GTF3C1: variants seen among roughly 807,000 people sequenced by gnomAD.
GTF3C1 encodes the protein general transcription factor 3C polypeptide 1.
A neutral mutation model predicts 226.7 loss-of-function variants in GTF3C1; 57 were observed. The ratio of observed to expected loss-of-function variants is 0.25; its 90% CI spans 0.20 to 0.31. GTF3C1 has a LOEUF of 0.31. GTF3C1 is among the 10% of genes least tolerant of loss of function. The probability of loss-of-function intolerance (pLI) is 1.00; values close to 1 mark genes in which losing one functional copy is unlikely to be tolerated. For synonymous variants in GTF3C1, 1,090 were observed against 1,084.8 expected (o/e 1.00, Z -0.09); for missense variants, 2,217 against 2,776.1 (o/e 0.80, Z 4.53).
chr16:27,520,594 C>T (rs1391175248), intron 6 of GTF3C1, among the ~76,000 whole-genome samples: 2 of 152,188 alleles, frequency 1.3e-5, no homozygotes, highest in Non-Finnish European at 2.9e-5. Flanking sequence ...AGGGTACTGA[C>T]AATAGTACAT....
chr16:27,520,086 C>T (rs901228486), intron 6 of GTF3C1, among the ~76,000 whole-genome samples: 2 of 152,194 alleles, frequency 1.3e-5, no homozygotes, highest in African/African-American at 2.4e-5. Flanking sequence ...GCACTCTGGC[C>T]TGGGTGAGAC....
chr16:27,532,028 G>A (rs1039940568), intron 5 of GTF3C1, among the ~76,000 whole-genome samples: 2 of 152,214 alleles, frequency 1.3e-5, no homozygotes, highest in Non-Finnish European at 2.9e-5. Flanking sequence ...GGAAGCAGGT[G>A]GACTGCGGGG....
chr16:27,505,953 G>C lies in GTF3C1; in HGVS notation c.1716C>G (p.Asp572Glu), dbSNP rs762709844. The C allele has an allele frequency of 1.2e-6, 2 of 1,613,040 alleles. No individual in the cohort carries two copies. Among genetic ancestry groups the C allele is most frequent in the East Asian group, 2.2e-5 (1 of 44,878 alleles). ...PNVSFVSHCA[D>E]SNSGDIAVIE... ...TCACAGCTATGTCACCACTGTTGCT[G>C]TCCGCACAGTGGGAGACAAAGGACA... is the stretch of plus-strand genomic sequence containing the variant. The change falls in exon 10 of 37, where the codon GAC becomes GAG. Residue 572 changes from aspartate (D) to glutamate (E), a missense_variant. Physicochemically the swap from Asp to Glu is conservative, Grantham distance 45. Around this residue, in one of 12 missense-constraint regions of GTF3C1, gnomAD observed 173 missense variants for 207.2 expected, o/e 0.83. Coordinates refer to ENST00000356183, the MANE Select transcript of GTF3C1 (RefSeq NM_001520.4).
intron 26 of GTF3C1, among the ~76,000 whole-genome samples, chr16:27,481,398 T>C (rs1248408824): frequency 2.0e-5 from 3 of 152,078 alleles, no homozygotes; most frequent in Admixed American, 1.3e-4. Flanking sequence ...CCCTCACCAC[T>C]ACGCTCAGGA....
chr16:27,533,163 G>A (rs1262324811), intron 5 of GTF3C1, 128 bp downstream of exon 5: 4 of 548,288 alleles, frequency 7.3e-6, no homozygotes, highest in African/African-American at 1.9e-5. Context: ...GCAAACAAAG[G>A]AAAATCTCAT....
At chr16:27,467,378 C>T (rs1250398841) in intron 32 of GTF3C1, among the ~76,000 whole-genome samples, 1 of 152,190 alleles carries the variant, frequency 6.6e-6, no homozygotes, top group Non-Finnish European at 1.5e-5. Context: ...ATATTTTAAG[C>T]CCACTGTAGA....
intron 6 of GTF3C1, among the ~76,000 whole-genome samples, chr16:27,518,730 G>A (rs1473411792): frequency 2.6e-5 from 4 of 152,162 alleles, no homozygotes; most frequent in East Asian, 1.9e-4. Flanking sequence ...AGAGGCCGTC[G>A]GGCAGCATAG....
chr16:27,534,443 TCCCC>T (rs2088969378), intron 4 of GTF3C1, among the ~76,000 whole-genome samples: 2 of 152,048 alleles, frequency 1.3e-5, no homozygotes, highest in South Asian at 4.1e-4. Context: ...TACACCCACT[TCCCC>T]ATCTGTACTG....
At chr16:27,529,214 C>T (rs7201382) in intron 5 of GTF3C1, among the ~76,000 whole-genome samples, 12,651 of 152,034 alleles carry the variant, frequency 0.083, 547 homozygotes, top group Middle Eastern at 0.1. Context: ...GAGGCCGAGG[C>T]GGGCAGGTCA....
At chr16:27,509,689 C>T (rs1391520563) in intron 7 of GTF3C1, among the ~76,000 whole-genome samples, 2 of 139,588 alleles carry the variant, frequency 1.4e-5, no homozygotes, top group East Asian at 2.2e-4. Flanking sequence ...ACTTGGGAGG[C>T]GGAGCTTGCA....
intron 2 of GTF3C1, among the ~76,000 whole-genome samples, chr16:27,539,975 G>C (rs2089057930): frequency 6.6e-6 from 1 of 152,050 alleles, no homozygotes; most frequent in Non-Finnish European, 1.5e-5. Context: ...AGTCACCAAG[G>C]GTCCACATAC....
chr16:27,497,885 G>T, intron 13 of GTF3C1, 64 bp from the exon 14 acceptor site: 1 of 1,358,564 alleles, frequency 7.4e-7, no homozygotes, highest in Non-Finnish European at 1.0e-6. Flanking sequence ...AAAGGACAGA[G>T]TCTGTCTGCA....
At position 27,465,555 on chromosome 16, in the gene GTF3C1, AG is replaced by A; in HGVS notation, c.5075-16del. ...CAGAGGAGCGGCTGTGGGGACACAG[AG>A]GAAGATCAGAGGCAGCCCGACAGAG... is the stretch of plus-strand genomic sequence containing the variant. On this transcript the variant is annotated splice_polypyrimidine_tract_variant and intron_variant, in intron 32 of 36. Coordinates refer to ENST00000356183, the MANE Select transcript of GTF3C1 (RefSeq NM_001520.4). The A allele has an allele frequency of 3.1e-6, 5 of 1,588,944 alleles. No homozygotes were observed. The highest frequency in any genetic ancestry group is 4.3e-6 in the Non-Finnish European group (5 of 1,173,734).
rs1399313548 is a variant in GTF3C1, at chr16:27,495,557, TA to T, written c.2351-66del. ...CATACTGAATTCAGTTTTAATTCAT[TA>T]AAAAATGATTGAGTGCCACTATGTG... On this transcript the variant is annotated intron_variant, in intron 14 of 36. Transcript: ENST00000356183. 16 of 1,451,092 alleles carry T rather than the reference TA, an allele frequency of 1.1e-5. No individual in the cohort carries two copies. The African/African-American group carries it at 2.3e-4, about 20-fold the overall frequency. The allele number at this position is 1,451,092 out of a possible 1,614,324, so 89.9% of individuals were successfully genotyped here. A position where few individuals can be genotyped will look rare whatever the true frequency, so the allele number is the denominator to read the frequency against.
chr16:27,509,235 T>C (rs1296285456), intron 7 of GTF3C1, among the ~76,000 whole-genome samples: 2 of 152,182 alleles, frequency 1.3e-5, no homozygotes, highest in African/African-American at 2.4e-5. Context: ...TGGCCCCCGC[T>C]GTTGCTGTGT....
At chr16:27,510,202 G>A (rs561294511) in intron 7 of GTF3C1, among the ~76,000 whole-genome samples, 15 of 152,186 alleles carry the variant, frequency 9.9e-5, no homozygotes, top group Non-Finnish European at 1.6e-4. Flanking sequence ...TGGCTAACAC[G>A]GTGAAACCCC....
intron 6 of GTF3C1, among the ~76,000 whole-genome samples, chr16:27,523,914 T>C (rs1235787547): frequency 6.6e-6 from 1 of 152,102 alleles, no homozygotes; most frequent in Non-Finnish European, 1.5e-5. Context: ...AATCTAAACA[T>C]CCTGACCGTC....
At chr16:27,484,677 A>G (rs1455885114) in intron 24 of GTF3C1, among the ~76,000 whole-genome samples, 1 of 152,254 alleles carries the variant, frequency 6.6e-6, no homozygotes, top group Non-Finnish European at 1.5e-5. Flanking sequence ...ATGGGGATGC[A>G]AAGTGTGTTT....
chr16:27,493,402 C>T (rs1283465905), intron 16 of GTF3C1, 106 bp from the exon 17 acceptor site: 9 of 683,032 alleles, frequency 1.3e-5, no homozygotes, highest in Middle Eastern at 3.5e-4. Flanking sequence ...CTCCCTGAAC[C>T]TGCCCACTGG....
Sources: gnomAD v4.1 joint callset for allele counts (sites outside exome capture counted in the v4.1 genomes callset) on GRCh38, gnomAD v4.1.1 for gene constraint, gnomAD v4.1.1 regional missense constraint, MANE v1.5 for transcripts, NCBI Gene and HGNC (gene_info 2026-07-23, HGNC 2026-07-21) for gene names.